Variants in ARHGAP44 observed in about 807,000 individuals in gnomAD.
ARHGAP44 encodes rho GTPase-activating protein 44.
Under a neutral mutation model 106.8 loss-of-function variants are expected in ARHGAP44, and 43 were observed. That is an observed-to-expected ratio of 0.40 (90% CI 0.32 to 0.52). The LOEUF is 0.52. Ranked by LOEUF, ARHGAP44 falls within the 20% of genes least tolerant of loss-of-function variation. The pLI, the probability that ARHGAP44 is intolerant of heterozygous loss-of-function variation, is 0.48. For synonymous variants in ARHGAP44, 439 were observed against 410.3 expected (o/e 1.07, Z -0.85); for missense variants, 866 against 1,050.5 (o/e 0.82, Z 2.43).
At chr17:12,931,879 C>CACACACACACAT (rs1815893130) in intron 7 of ARHGAP44, among the ~76,000 whole-genome samples, 1 of 139,154 alleles carries the variant, frequency 7.2e-6, no homozygotes, top group African/African-American at 2.7e-5. Context: ...CACACACACA[C>CACACACACACAT]ATATCATGAT....
At chr17:12,989,101 C>CGG (rs1598173210) in intron 20 of ARHGAP44, among the ~76,000 whole-genome samples, 1 of 45,158 alleles carries the variant, frequency 2.2e-5, no homozygotes, top group Non-Finnish European at 4.0e-5. Context: ...CCACCCCCCC[C>CGG]AAAAAAAAAA....
chr17:12,969,329 G>A (rs1249472424), intron 16 of ARHGAP44, among the ~76,000 whole-genome samples: 1 of 152,086 alleles, frequency 6.6e-6, no homozygotes, highest in Non-Finnish European at 1.5e-5. Context: ...ATATGCGCTT[G>A]GCACCTATAA....
At chr17:12,865,260 T>C (rs961126404) in intron 1 of ARHGAP44, among the ~76,000 whole-genome samples, 1 of 152,152 alleles carries the variant, frequency 6.6e-6, no homozygotes, top group Non-Finnish European at 1.5e-5. Flanking sequence ...AATAGAACAA[T>C]ATCTGTAGAT....
intron 10 of ARHGAP44, among the ~76,000 whole-genome samples, chr17:12,945,248 G>A (rs2038821828): frequency 6.6e-6 from 1 of 151,920 alleles, no homozygotes; most frequent in South Asian, 2.1e-4. Flanking sequence ...GACCTCAAGT[G>A]ATCTGCCCAC....
chr17:12,960,203 G>GA (rs1277854770), intron 16 of ARHGAP44, among the ~76,000 whole-genome samples: 2 of 149,880 alleles, frequency 1.3e-5, no homozygotes, highest in Admixed American at 6.6e-5. Flanking sequence ...AGTGGAGAAA[G>GA]AAAAAAAAAG....
intron 5 of ARHGAP44, 113 bp downstream of exon 5, chr17:12,916,124 A>G: frequency 1.2e-6 from 1 of 822,742 alleles, no homozygotes; most frequent in Non-Finnish European, 1.9e-6. Context: ...TCTCCCCAAC[A>G]TTGTTTTTCA....
At chr17:12,922,384 C>A (rs1285140948) in intron 6 of ARHGAP44, among the ~76,000 whole-genome samples, 1 of 152,238 alleles carries the variant, frequency 6.6e-6, no homozygotes, top group Middle Eastern at 3.4e-3. Flanking sequence ...GACCTTGTGC[C>A]ACGTAAAATT....
At chr17:12,953,851 G>C (rs1249881865) in intron 13 of ARHGAP44, among the ~76,000 whole-genome samples, 1 of 152,208 alleles carries the variant, frequency 6.6e-6, no homozygotes, top group African/African-American at 2.4e-5. Flanking sequence ...GGGGATGGTT[G>C]CCAGGGGCTA....
At chr17:12,877,821 C>G (rs921187706) in intron 1 of ARHGAP44, among the ~76,000 whole-genome samples, 2 of 152,146 alleles carry the variant, frequency 1.3e-5, no homozygotes, top group African/African-American at 4.8e-5. Context: ...AAGACTGTCT[C>G]TGCCTTAAGT....
At chr17:12,956,228 A>G (rs1471065147) in intron 14 of ARHGAP44, among the ~76,000 whole-genome samples, 2 of 152,092 alleles carry the variant, frequency 1.3e-5, no homozygotes, top group Non-Finnish European at 2.9e-5. Context: ...TTAAGTCAGC[A>G]TTGGGATGAG....
chr17:12,908,657 A>G (rs1003400251), intron 3 of ARHGAP44, among the ~76,000 whole-genome samples: 3 of 152,210 alleles, frequency 2.0e-5, no homozygotes, highest in Non-Finnish European at 2.9e-5. Context: ...TGCAGCATGT[A>G]AGCCTTAGGC....
Position 12,954,171 on chromosome 17 carries a change from T to C in ARHGAP44, c.1136+1590T>C, listed in dbSNP as rs953472910. On this transcript the variant is annotated intron_variant, in intron 13 of 20. Transcript: ENST00000379672. The stretch of plus-strand genomic sequence containing the variant: ...CCTCGGCCTCCCAAAGCCCTGAGAT[T>C]ACAGGCATGAGCCACGGCGCCTGGC... 5.9e-5 allele frequency among the ~76,000 whole-genome samples: 9 copies of C among 152,048 alleles called. 1 individual carries two copies. The highest frequency in any genetic ancestry group is 5.9e-4 in the Admixed American group (9 of 15,274).
At position 12,988,080 on chromosome 17, in the gene ARHGAP44, G is replaced by A. The variant is rs116717043; in HGVS notation, c.2318-1952G>A. 3.0e-4 allele frequency: 46 copies of A among 152,314 alleles called. 1 individual carries two copies. The highest frequency in any genetic ancestry group is 1.1e-3 in the African/African-American group (46 of 41,552). The allele number at this position is 152,314 out of a possible 1,614,324, so 9.4% of individuals were successfully genotyped here. ...CTGGCGGGTGCTTCCCGAGTGTCCT[G>A]GAGACAAGCAGCCACTGTGTCCCTT... On this transcript the variant is annotated intron_variant, in intron 20 of 20. Transcript: ENST00000379672.
intron 16 of ARHGAP44, among the ~76,000 whole-genome samples, chr17:12,961,097 C>G (rs910685246): frequency 6.6e-6 from 1 of 152,168 alleles, no homozygotes; most frequent in African/African-American, 2.4e-5. Context: ...GTGTGCCCCT[C>G]CATCCCTCCT....
At chr17:12,811,813 T>G (rs139817548) in intron 1 of ARHGAP44, among the ~76,000 whole-genome samples, 50 of 152,326 alleles carry the variant, frequency 3.3e-4, no homozygotes, top group Admixed American at 9.8e-4. Flanking sequence ...TCCTCCAGTA[T>G]CTGCCCCTGT....
chr17:12,808,769 T>A (rs577654099), intron 1 of ARHGAP44, among the ~76,000 whole-genome samples: 2 of 152,340 alleles, frequency 1.3e-5, no homozygotes, highest in Admixed American at 6.5e-5. Context: ...TGGCTCCTCG[T>A]TACTTATGCT....
intron 1 of ARHGAP44, among the ~76,000 whole-genome samples, chr17:12,817,253 G>A (rs62060415): frequency 0.049 from 7,459 of 152,094 alleles, 239 homozygotes; most frequent in African/African-American, 0.093. Flanking sequence ...TTTGTGGGGT[G>A]CATCTAATGA....
chr17:12,829,893 T>C (rs1409896827), intron 1 of ARHGAP44, among the ~76,000 whole-genome samples: 1 of 152,236 alleles, frequency 6.6e-6, no homozygotes, highest in Non-Finnish European at 1.5e-5. Context: ...CCTATTGTAA[T>C]ACAAGGTCAT....
At chr17:12,931,049 ATGTT>A (rs938894009) in intron 7 of ARHGAP44, among the ~76,000 whole-genome samples, 2 of 152,152 alleles carry the variant, frequency 1.3e-5, no homozygotes, top group African/African-American at 2.4e-5. Context: ...AGTTATTTAT[ATGTT>A]TGTTTGTTTT....
Sources: gnomAD v4.1 joint callset for allele counts (sites outside exome capture counted in the v4.1 genomes callset) on GRCh38, gnomAD v4.1.1 for gene constraint, MANE v1.5 for transcripts, NCBI Gene and HGNC (gene_info 2026-07-23, HGNC 2026-07-21) for gene names.